The following GFM1 variants were observed in gnomAD, a reference collection of about 807,000 sequenced individuals.
The protein encoded by GFM1 is elongation factor G, mitochondrial.
A neutral mutation model predicts 96.2 loss-of-function variants in GFM1; 62 were observed. The observed-to-expected ratio is 0.64, with a 90% confidence interval of 0.53 to 0.80. GFM1 has a LOEUF of 0.80. Ranked by LOEUF, GFM1 falls within the 30% of genes least tolerant of loss-of-function variation. The probability of loss-of-function intolerance (pLI) is 0.00; values close to 1 mark genes in which losing one functional copy is unlikely to be tolerated. For missense variants in GFM1, 852 were observed against 916.6 expected (o/e 0.93, Z 0.91); for synonymous variants, 282 against 312.9 (o/e 0.90, Z 1.04).
intron 4 of GFM1, among the ~76,000 whole-genome samples, chr3:158,648,410 G>C (rs1002947804): frequency 2.4e-4 from 36 of 152,136 alleles, no homozygotes; most frequent in Non-Finnish European, 4.6e-4. Context: ...CGGGCGCGGT[G>C]GCTCACACCT....
chr3:158,648,274 G>A (rs923427729), intron 4 of GFM1, among the ~76,000 whole-genome samples: 1 of 152,058 alleles, frequency 6.6e-6, no homozygotes, highest in African/African-American at 2.4e-5. Flanking sequence ...GTGATTCTTA[G>A]ATCTTTAACC....
chr3:158,651,504 A>T (rs1374277100), intron 5 of GFM1, among the ~76,000 whole-genome samples: 1 of 151,838 alleles, frequency 6.6e-6, no homozygotes, highest in Non-Finnish European at 1.5e-5. Flanking sequence ...TGTGAAGATC[A>T]AATAAATAAC....
chr3:158,663,886 G>A (rs963062538), intron 11 of GFM1, among the ~76,000 whole-genome samples: 4 of 152,128 alleles, frequency 2.6e-5, no homozygotes, highest in African/African-American at 9.7e-5. Context: ...AATTTAAATC[G>A]AATAATGAAG....
chr3:158,666,260 T>C, intron 12 of GFM1, 44 bp from the exon 13 acceptor site: 1 of 1,436,544 alleles, frequency 7.0e-7, no homozygotes, highest in African/African-American at 1.4e-5. Context: ...TTTCTTTCGG[T>C]TTATTTTTTT....
intron 13 of GFM1, among the ~76,000 whole-genome samples, chr3:158,670,726 G>T (rs1470450374): frequency 3.3e-5 from 5 of 152,146 alleles, no homozygotes; most frequent in African/African-American, 9.7e-5. Context: ...GCTGGGCTTG[G>T]TAGCTCATGC....
intron 11 of GFM1, among the ~76,000 whole-genome samples, chr3:158,663,629 C>T (rs1243046455): frequency 6.6e-6 from 1 of 152,246 alleles, no homozygotes; most frequent in East Asian, 1.9e-4. Context: ...CAGTAGGATG[C>T]CATAGTTTAT....
chr3:158,649,137 C>G lies in GFM1; in HGVS notation c.669C>G (p.Ile223Met). 1 of 1,437,968 alleles carries G rather than the reference C, an allele frequency of 7.0e-7. No individual in the cohort carries two copies. Among genetic ancestry groups the G allele is most frequent in the Non-Finnish European group, 9.8e-7 (1 of 1,020,860 alleles). 89.1% of individuals were successfully genotyped at this position (1,437,968 alleles called of 1,614,324 possible). The change falls in exon 5 of 18, where the codon ATC becomes ATG. Residue 223 changes from isoleucine (I) to methionine (M), a missense_variant. Transcript: ENST00000486715. ...GIVDLIEERA[I>M]YFDGDFGQIV... ...TAGATCTTATTGAGGAACGAGCCAT[C>G]TATTTTGATGGAGACTTTGGGTAAG...
intron 9 of GFM1, chr3:158,660,660 A>C (rs970285474): frequency 1.8e-6 from 1 of 561,666 alleles, no homozygotes; most frequent in Non-Finnish European, 3.2e-6. Flanking sequence ...AATCTTGTCT[A>C]TTGATATATG....
chr3:158,667,342 G>T (rs1156565930), intron 13 of GFM1, among the ~76,000 whole-genome samples: 2 of 152,096 alleles, frequency 1.3e-5, no homozygotes, highest in Admixed American at 1.3e-4. Flanking sequence ...AGTTGTGGTG[G>T]CTACTTAAGA....
intron 13 of GFM1, among the ~76,000 whole-genome samples, chr3:158,669,841 C>G (rs1286759384): frequency 6.6e-6 from 1 of 152,238 alleles, no homozygotes; most frequent in East Asian, 1.9e-4. Flanking sequence ...GTGTCATAAT[C>G]TTATGAATTC....
Position 158,694,279 on chromosome 3 carries a change from A to G in GFM1, c.*2812A>G, listed in dbSNP as rs1726473027. ...AAAAGAATGAGATCAAGTCCTTTGC[A>G]GGGACATAGATGGAGCTGGAAGCCA... On this transcript the variant is annotated 3_prime_UTR_variant, in exon 18 of 18. Coordinates refer to ENST00000486715, the MANE Select transcript of GFM1 (RefSeq NM_024996.7). 6.6e-6 allele frequency among the ~76,000 whole-genome samples: 1 copy of G among 152,202 alleles called. No homozygotes were observed. The highest frequency in any genetic ancestry group is 2.1e-4 in the South Asian group (1 of 4,834).
At chr3:158,690,073 A>G in intron 15 of GFM1, 90 bp from the exon 16 acceptor site, 1 of 1,160,768 alleles carries the variant, frequency 8.6e-7, no homozygotes, top group Non-Finnish European at 1.3e-6. Flanking sequence ...TACCTTTGGG[A>G]AAGCATCATT....
chr3:158,673,511 T>TTC (rs200583823), intron 13 of GFM1, among the ~76,000 whole-genome samples: 17,125 of 133,584 alleles, frequency 0.13, 890 homozygotes, highest in African/African-American at 0.17. Context: ...TTCTTTTCTT[T>TTC]TTTTTTTTTT....
intron 4 of GFM1, among the ~76,000 whole-genome samples, chr3:158,648,179 T>G (rs1170582435): frequency 6.6e-6 from 1 of 152,216 alleles, no homozygotes; most frequent in African/African-American, 2.4e-5. Flanking sequence ...TTTTATTTTC[T>G]TTCCTCTAGT....
In GFM1 at chr3:158,644,727, T is replaced by C. The variant is rs752744978; in HGVS notation, c.81+12T>C. 6.4e-7 allele frequency: 1 copy of C among 1,567,286 alleles called. No homozygotes were observed. The highest frequency in any genetic ancestry group is 8.7e-7 in the Non-Finnish European group (1 of 1,155,666). On this transcript the variant is annotated intron_variant, in intron 1 of 17. Coordinates refer to ENST00000486715, the MANE Select transcript of GFM1 (RefSeq NM_024996.7). ...GGCAGAGGAAGCAGGTACCGGAGCA[T>C]AGAGAGGCTAAATCGGGACCATTCC...
chr3:158,653,426 T>G lies in GFM1; in HGVS notation c.957T>G (p.Asn319Lys), dbSNP rs1223967213. Residue 319 changes from asparagine to lysine, a missense_variant, in exon 7 of 18, where the codon AAT becomes AAG. Physicochemically the swap from Asn to Lys is moderately conservative, Grantham distance 94. Coordinates refer to ENST00000486715, the MANE Select transcript of GFM1 (RefSeq NM_024996.7). The stretch of plus-strand genomic sequence containing the variant: ...ATGCTGTTTTAGAATACCTCCCAAA[T>G]CCATCTGAAGTCCAGAACTATGCTA... ...LLDAVLEYLP[N>K]PSEVQNYAIL... 6.2e-7 allele frequency: 1 copy of G among 1,613,424 alleles called. No homozygotes were observed. The highest frequency in any genetic ancestry group is 1.3e-5 in the African/African-American group (1 of 74,918).
At chr3:158,659,562 C>T (rs920538427) in intron 9 of GFM1, among the ~76,000 whole-genome samples, 3 of 152,126 alleles carry the variant, frequency 2.0e-5, no homozygotes, top group African/African-American at 7.2e-5. Flanking sequence ...CCAGAATCCA[C>T]CTGAAGATTT....
intron 15 of GFM1, among the ~76,000 whole-genome samples, chr3:158,686,988 C>G (rs555766078): frequency 6.6e-6 from 1 of 151,716 alleles, no homozygotes; most frequent in East Asian, 1.9e-4. Context: ...CCACCTTGGC[C>G]TTCCAAAGTG....
chr3:158,685,465 A>G (rs955022231), intron 15 of GFM1, among the ~76,000 whole-genome samples: 1 of 152,218 alleles, frequency 6.6e-6, no homozygotes, highest in Non-Finnish European at 1.5e-5. Flanking sequence ...TATCTTTATC[A>G]AAGAGGATTA....
Sources: gnomAD v4.1 joint callset for allele counts (sites outside exome capture counted in the v4.1 genomes callset) on GRCh38, gnomAD v4.1.1 for gene constraint, MANE v1.5 for transcripts, NCBI Gene and HGNC (gene_info 2026-07-23, HGNC 2026-07-21) for gene names.